The following CARD14 variants were observed in gnomAD, a reference collection of about 807,000 sequenced individuals.
CARD14 encodes the protein caspase recruitment domain family member 14.
In CARD14, 107 loss-of-function variants were observed where a neutral mutation model predicts 111.5. That is an observed-to-expected ratio of 0.96 (90% CI 0.82 to 1.13). CARD14 has a LOEUF of 1.13. Ranked by LOEUF, CARD14 falls within the 50% of genes most tolerant of loss-of-function variation. The pLI, the probability that CARD14 is intolerant of heterozygous loss-of-function variation, is 0.00. For synonymous variants in CARD14, 617 were observed against 579.6 expected, an observed-to-expected ratio of 1.06 and a Z score of -0.93; for missense variants, 1,322 against 1,362.3, an observed-to-expected ratio of 0.97 and a Z score of 0.47.
intron 7 of CARD14, among the ~76,000 whole-genome samples, chr17:80,185,986 A>G (rs911903004): frequency 6.6e-6 from 1 of 152,248 alleles, no homozygotes; most frequent in African/African-American, 2.4e-5. Flanking sequence ...GTGCAGGCCA[A>G]TTGCTCTACT....
rs928387150 is a variant in CARD14, at chr17:80,203,728, C to T, written c.2220-94C>T. Reference sequence around the variant, plus strand: ...TAGGTGGAGGCCCTTCTCTCCCACCCGGCCATCTCCCCCACTCTCCCCTGC... The same window carrying T: ...TAGGTGGAGGCCCTTCTCTCCCACCTGGCCATCTCCCCCACTCTCCCCTGC... On this transcript the variant is annotated intron_variant, in intron 18 of 23. Coordinates refer to ENST00000648509, the MANE Select transcript of CARD14 (RefSeq NM_001366385.1). The surrounding 1 kb of genome is among the most constrained non-coding windows in gnomAD (Gnocchi z 4.6). 5.4e-5 allele frequency: 49 copies of T among 902,322 alleles called. No homozygotes were observed. The highest frequency in any genetic ancestry group is 5.3e-4 in the Admixed American group (21 of 39,446). The allele number at this position is 902,322 out of a possible 1,614,324, so 55.9% of individuals were successfully genotyped here.
In CARD14 at chr17:80,203,741, C is replaced by A. The variant is rs971862848; in HGVS notation, c.2220-81C>A. The A allele has an allele frequency of 1.1e-4, 121 of 1,070,758 alleles. No homozygotes were observed. Among genetic ancestry groups the A allele is most frequent in the Non-Finnish European group, 1.5e-4 (112 of 727,286 alleles). 66.3% of individuals were successfully genotyped at this position (1,070,758 alleles called of 1,614,324 possible). A position where few individuals can be genotyped will look rare whatever the true frequency, so the allele number is the denominator to read the frequency against. On this transcript the variant is annotated intron_variant, in intron 18 of 23. Coordinates refer to ENST00000648509, the MANE Select transcript of CARD14 (RefSeq NM_001366385.1). The surrounding 1 kb of genome is among the most constrained non-coding windows in gnomAD (Gnocchi z 4.6). ...TTCTCTCCCACCCGGCCATCTCCCC[C>A]ACTCTCCCCTGCTCGGCTCTCCCCT...
At position 80,195,760 on chromosome 17, in the gene CARD14, C is replaced by G. The variant is rs1304696280; in HGVS notation, c.1594+108C>G. 7.7e-6 allele frequency: 7 copies of G among 904,288 alleles called. No homozygotes were observed. The South Asian group carries it at 1.2e-4, about 15-fold the overall frequency. The allele number at this position is 904,288 out of a possible 1,614,324, so 56.0% of individuals were successfully genotyped here. ...TCTCCAGGGAAAGGGCAGATAGAAGCAGAGCTCAACTTCTGCCCTGGGCCT... is the reference window on the plus strand; with the variant it reads ...TCTCCAGGGAAAGGGCAGATAGAAGGAGAGCTCAACTTCTGCCCTGGGCCT... On this transcript the variant is annotated intron_variant, in intron 14 of 23. Coordinates refer to ENST00000648509, the MANE Select transcript of CARD14 (RefSeq NM_001366385.1). This position sits in a 1 kb window ranked among gnomAD's most constrained non-coding sequence, Gnocchi z 4.7.
At chr17:80,185,271 C>A (rs895241310) in intron 7 of CARD14, among the ~76,000 whole-genome samples, 4 of 151,992 alleles carry the variant, frequency 2.6e-5, no homozygotes, top group African/African-American at 9.7e-5. Flanking sequence ...AGGCTGGTCT[C>A]GGACTCTTGG....
At position 80,203,681 on chromosome 17, in the gene CARD14, A is replaced by G. The variant is rs1361917797; in HGVS notation, c.2220-141A>G. The stretch of plus-strand genomic sequence containing the variant: ...GCCAGGATGGAGCGCTCCAGCCTGC[A>G]GCAAAGGGATGTGTGGAGCTCTAGG... On this transcript the variant is annotated intron_variant, in intron 18 of 23. Transcript: ENST00000648509. The surrounding 1 kb of genome is among the most constrained non-coding windows in gnomAD (Gnocchi z 4.6). The G allele has an allele frequency of 4.9e-6, 3 of 612,536 alleles. No individual in the cohort carries two copies. The highest frequency in any genetic ancestry group is 8.7e-6 in the Non-Finnish European group (3 of 345,004). The allele number at this position is 612,536 out of a possible 1,614,324, so 37.9% of individuals were successfully genotyped here.
Position 80,182,344 on chromosome 17 carries a change from G to A in CARD14, c.212-309G>A, listed in dbSNP as rs900305404. Among the ~76,000 whole-genome samples the A allele has an allele frequency of 2.6e-5, 4 of 152,306 alleles. No individual in the cohort carries two copies. In the East Asian group the frequency reaches 7.7e-4, roughly 29 times the overall value. ...TTGCCAGGGAGGTGCTTGCAAGCAG[G>A]GACCCACCTCCTCACCCCGTCCCGG... On this transcript the variant is annotated intron_variant, in intron 5 of 23. Coordinates refer to ENST00000648509, the MANE Select transcript of CARD14 (RefSeq NM_001366385.1). This position sits in a 1 kb window ranked among gnomAD's most constrained non-coding sequence, Gnocchi z 4.7.
chr17:80,202,162 C>A lies in CARD14; in HGVS notation c.1979-18C>A. 2 of 1,598,454 alleles carry A rather than the reference C, an allele frequency of 1.3e-6. No homozygotes were observed. Among genetic ancestry groups the A allele is most frequent in the Non-Finnish European group, 1.7e-6 (2 of 1,167,154 alleles). ...TCGTATCTGTGGCTCATCTGTGGCT[C>A]ATGTCCCCTTTTATCAGGTTATAAG... On this transcript the variant is annotated intron_variant, in intron 17 of 23. Transcript: ENST00000648509.
Position 80,198,369 on chromosome 17 carries a change from T to G in CARD14, c.1659-30T>G. 3 of 1,578,460 alleles carry G rather than the reference T, an allele frequency of 1.9e-6. No homozygotes were observed. The highest frequency in any genetic ancestry group is 2.6e-6 in the Non-Finnish European group (3 of 1,159,966). On this transcript the variant is annotated intron_variant, in intron 15 of 23. Transcript: ENST00000648509. This position sits in a 1 kb window ranked among gnomAD's most constrained non-coding sequence, Gnocchi z 7.5. ...TTGCCGGCTCTCCTGCTCTGGGCAG[T>G]GCACAAGCCGGTCGTCTCCCGGCCT...
Position 80,188,179 on chromosome 17 carries a change from G to A in CARD14, c.676-198G>A, listed in dbSNP as rs2040407341. On this transcript the variant is annotated intron_variant, in intron 7 of 23. Transcript: ENST00000648509. This position sits in a 1 kb window ranked among gnomAD's most constrained non-coding sequence, Gnocchi z 4.5. ...CTCATCTATAAGACAGAGCTGAAAG[G>A]CCTCTGTCCTCCCAGCCCCAGTTGA... 1.8e-6 allele frequency: 1 copy of A among 549,324 alleles called. No individual in the cohort carries two copies. Among genetic ancestry groups the A allele is most frequent in the Admixed American group, 4.4e-5 (1 of 22,614 alleles). The allele number at this position is 549,324 out of a possible 1,614,324, so 34.0% of individuals were successfully genotyped here.
At chr17:80,199,458 T>G (rs2040852606) in intron 16 of CARD14, among the ~76,000 whole-genome samples, 1 of 149,458 alleles carries the variant, frequency 6.7e-6, no homozygotes, top group African/African-American at 2.5e-5. Flanking sequence ...TACATGCCTG[T>G]AGTCCTAGCT....
At chr17:80,170,250 G>GT (rs1420518858) in intron 1 of CARD14, 194 bp downstream of exon 1, 1 of 152,234 alleles carries the variant, frequency 6.6e-6, no homozygotes, top group Admixed American at 6.5e-5. Flanking sequence ...CGGCTTGTCT[G>GT]TGTTGCTGGG....
rs756566531 is a variant in CARD14, at chr17:80,198,491, G to T, written c.1751G>T (p.Ser584Ile). Residue 584 changes from serine (S) to isoleucine (I), a missense_variant, in exon 16 of 24, where the codon AGC (serine) becomes ATC (isoleucine). By Grantham distance (142) the Ser-to-Ile change is moderately radical (BLOSUM62 -2). Coordinates refer to ENST00000648509, the MANE Select transcript of CARD14 (RefSeq NM_001366385.1). The surrounding 1 kb of genome is among the most constrained non-coding windows in gnomAD (Gnocchi z 7.5). ...GGGGATGCATTGCTGGAGCAGATCA[G>T]CGTCATCGGCGGGAACCTCACGGGC... ...FQGDALLEQISVIGGNLTGIF... is the reference protein window; with the variant it reads ...FQGDALLEQIIVIGGNLTGIF... The T allele has an allele frequency of 1.9e-6, 3 of 1,613,634 alleles. No homozygotes were observed. Among genetic ancestry groups the T allele is most frequent in the Admixed American group, 1.7e-5 (1 of 60,032 alleles).
chr17:80,184,368 T>G (rs1307413255), intron 7 of CARD14, 130 bp downstream of exon 7: 1 of 839,976 alleles, frequency 1.2e-6, no homozygotes. Context: ...CCCGAGAGCC[T>G]TGGCTGAGAC....
intron 9 of CARD14, 144 bp from the exon 10 acceptor site, chr17:80,190,629 AG>A (rs367669266): frequency 1.4e-4 from 105 of 749,362 alleles, no homozygotes; most frequent in African/African-American, 1.0e-3. Context: ...AAAAAAAAAA[AG>A]AGAGAGAGAG....
chr17:80,197,532 C>G (rs944269530), intron 14 of CARD14: 1 of 97,590 alleles, frequency 1.0e-5, no homozygotes, highest in Non-Finnish European at 2.2e-5. Context: ...GACTCTGTCT[C>G]AAAAAAAAAA....
chr17:80,171,243 CTTCT>C (rs2039898192), intron 1 of CARD14, among the ~76,000 whole-genome samples: 1 of 129,116 alleles, frequency 7.7e-6, no homozygotes, highest in South Asian at 2.8e-4. Flanking sequence ...TCCTTCCTTC[CTTCT>C]CTCTCTCCTT....
At position 80,208,258 on chromosome 17, in the gene CARD14, C is replaced by T. The variant is rs755632854; in HGVS notation, c.2928C>T (p.Ser976=). ...LYSSLAPDGW[S]DLDGLLSCVR... ...GCAGCCTGGCTCCTGACGGCTGGAG[C>T]GACCTGGACGGCCTGCTCAGCTGTG... Residue 976 remains serine (S), a synonymous_variant, in exon 24 of 24, where the codon AGC becomes AGT. Coordinates refer to ENST00000648509, the MANE Select transcript of CARD14 (RefSeq NM_001366385.1). The T allele has an allele frequency of 6.9e-6, 11 of 1,587,986 alleles. No homozygotes were observed. Among genetic ancestry groups the T allele is most frequent in the South Asian group, 2.3e-5 (2 of 87,080 alleles).
At position 80,205,575 on chromosome 17, in the gene CARD14, G is replaced by C. The variant is rs879289051; in HGVS notation, c.2614G>C (p.Asp872His). The change falls in exon 22 of 24, where the codon GAC becomes CAC. Residue 872 changes from aspartate to histidine, a missense_variant. Asp to His is a moderately conservative substitution (Grantham distance 81). Transcript: ENST00000648509. ...EEYEAWSQRG[D>H]IIQEGEVSGG... ...GTATGAGGCCTGGAGCCAGAGAGGG[G>C]ACATCATCCAGGAGGGAGAGGTGTC... 2 of 1,579,296 alleles carry C rather than the reference G, an allele frequency of 1.3e-6. No individual in the cohort carries two copies. Among genetic ancestry groups the C allele is most frequent in the Non-Finnish European group, 1.7e-6 (2 of 1,162,068 alleles).
At position 80,189,909 on chromosome 17, in the gene CARD14, G is replaced by C; in HGVS notation, c.963+37G>C. ...GCCCTTCCTCCCTTGTGACTCTCCT[G>C]GGGCTTGTCTCAGGGGTGCGGACAG... is the stretch of plus-strand genomic sequence containing the variant. On this transcript the variant is annotated intron_variant, in intron 9 of 23. Coordinates refer to ENST00000648509, the MANE Select transcript of CARD14 (RefSeq NM_001366385.1). This position sits in a 1 kb window ranked among gnomAD's most constrained non-coding sequence, Gnocchi z 4.7. 6.3e-7 allele frequency: 1 copy of C among 1,577,324 alleles called. No homozygotes were observed. The highest frequency in any genetic ancestry group is 8.6e-7 in the Non-Finnish European group (1 of 1,167,534).
Sources: allele counts gnomAD v4.1 joint callset (sites outside exome capture counted in the v4.1 genomes callset), GRCh38; gene constraint gnomAD v4.1.1; non-coding constraint Gnocchi (gnomAD v3.1); transcripts MANE v1.5; gene names NCBI Gene and HGNC (gene_info 2026-07-23, HGNC 2026-07-21).